KMT2A: variants seen among roughly 807,000 people sequenced by gnomAD.
KMT2A encodes the protein histone-lysine N-methyltransferase 2A.
KMT2A carries 16 observed loss-of-function variants against 345.3 expected under a neutral mutation model. The ratio of observed to expected loss-of-function variants is 0.05; its 90% CI spans 0.03 to 0.07. The LOEUF is 0.07. Ranked by LOEUF, KMT2A falls within the 10% of genes least tolerant of loss-of-function variation. The pLI, the probability that KMT2A is intolerant of heterozygous loss-of-function variation, is 1.00. For missense variants in KMT2A, 3,272 were observed against 4,841.6 expected, an observed-to-expected ratio of 0.68 and a Z score of 9.62; for synonymous variants, 1,599 against 1,778.6, an observed-to-expected ratio of 0.90 and a Z score of 2.54.
At position 118,468,821 on chromosome 11, in the gene KMT2A, G is replaced by A. The variant is rs782279632; in HGVS notation, c.479G>A (p.Arg160Gln). ...GFGSDEEVRV[R>Q]SPTRSPSVKT... is the part of the protein sequence containing the mutation. Reference sequence around the variant, plus strand: ...GGCTCAGATGAAGAAGTCAGAGTGCGAAGTCCCACAAGGTCTCCTTCAGGT... The same window carrying A: ...GGCTCAGATGAAGAAGTCAGAGTGCAAAGTCCCACAAGGTCTCCTTCAGGT... Residue 160 changes from arginine to glutamine, a missense_variant, in exon 2 of 36, where the codon CGA becomes CAA. This residue lies in a region of KMT2A where 412 missense variants were observed against 511.0 expected (regional missense o/e 0.81). Transcript: ENST00000534358. 2.2e-5 allele frequency: 36 copies of A among 1,613,068 alleles called. No homozygotes were observed. Among genetic ancestry groups the A allele is most frequent in the South Asian group, 7.7e-5 (7 of 91,070 alleles).
Position 118,490,236 on chromosome 11 carries a change from G to A in KMT2A, c.4683G>A (p.Lys1561=). The part of the protein sequence containing the change: ...HDFSLCHDCA[K]LFAKGNFCPL... ...TCTCACTGTGTCATGATTGCGCCAA[G>A]CTCTTTGCTAAAGGTACCCAAAAAA... Residue 1561 remains lysine (K), a synonymous_variant, in exon 13 of 36, where the codon AAG becomes AAA. Coordinates refer to ENST00000534358, the MANE Select transcript of KMT2A (RefSeq NM_001197104.2). This position sits in a 1 kb window ranked among gnomAD's most constrained non-coding sequence, Gnocchi z 4.2. The A allele has an allele frequency of 6.4e-7, 1 of 1,563,940 alleles. No individual in the cohort carries two copies. The highest frequency in any genetic ancestry group is 8.6e-7 in the Non-Finnish European group (1 of 1,164,370).
chr11:118,488,582 C>T, intron 10 of KMT2A, 32 bp from the exon 11 acceptor site: 1 of 1,609,700 alleles, frequency 6.2e-7, no homozygotes, highest in Non-Finnish European at 8.5e-7. Context: ...TATTATTTGA[C>T]ATACTTCTAT....
rs782772955 is a variant in KMT2A at position 118,499,801 on chromosome 11, ATCTTC to A, written c.6080-30_6080-26del. 8 of 1,476,846 alleles carry A rather than the reference ATCTTC, an allele frequency of 5.4e-6. No individual in the cohort carries two copies. The Admixed American group carries it at 8.5e-5, about 16-fold the overall frequency. 91.5% of individuals were successfully genotyped at this position (1,476,846 alleles called of 1,614,324 possible). ...TCAAAAAAATAAAATGACGCTCATA[ATCTTC>A]TCTAATCGGTTCTTCTTTCCTTGGT... On this transcript the variant is annotated intron_variant, in intron 23 of 35. Coordinates refer to ENST00000534358, the MANE Select transcript of KMT2A (RefSeq NM_001197104.2).
chr11:118,485,975 C>T (rs1255143546), intron 10 of KMT2A, among the ~76,000 whole-genome samples: 20 of 152,134 alleles, frequency 1.3e-4, no homozygotes, highest in East Asian at 1.2e-3. Flanking sequence ...CCCAGCTACT[C>T]GAGAGGCTGA....
intron 1 of KMT2A, among the ~76,000 whole-genome samples, chr11:118,465,503 A>C (rs1049936124): frequency 6.6e-6 from 1 of 152,184 alleles, no homozygotes; most frequent in Non-Finnish European, 1.5e-5. Flanking sequence ...TAGCTTTCCA[A>C]GTGATTTCAC....
At chr11:118,468,089 AG>A (rs1949879532) in intron 1 of KMT2A, among the ~76,000 whole-genome samples, 1 of 152,160 alleles carries the variant, frequency 6.6e-6, no homozygotes, top group African/African-American at 2.4e-5. Context: ...AACTGAAAAT[AG>A]GATGCTTCCC....
chr11:118,491,754 T>C lies in KMT2A; in HGVS notation c.4830T>C (p.Tyr1610=). ...ENLSGTEDEM[Y]EILSNLPESV... is the part of the protein sequence containing the mutation. ...TTTTTGTTTTCTTAGATGAGATGTATGAGATTCTATCTAATCTGCCAGAAA... is the reference window on the plus strand; with the variant it reads ...TTTTTGTTTTCTTAGATGAGATGTACGAGATTCTATCTAATCTGCCAGAAA... Residue 1610 remains tyrosine, a synonymous_variant, in exon 15 of 36, where the codon TAT becomes TAC. Transcript: ENST00000534358. The surrounding 1 kb of genome is among the most constrained non-coding windows in gnomAD (Gnocchi z 4.2). 1.2e-6 allele frequency: 2 copies of C among 1,604,058 alleles called. No homozygotes were observed. Among genetic ancestry groups the C allele is most frequent in the South Asian group, 2.2e-5 (2 of 89,706 alleles).
In KMT2A at chr11:118,473,686, T is replaced by C; in HGVS notation, c.2527T>C (p.Ser843Pro). Reference sequence around the variant, plus strand: ...TCTCTTCCCTTGGTTTACCCCAGGCTCTCAGACTGAAAGAGGGAGAAATAA... The same window carrying C: ...TCTCTTCCCTTGGTTTACCCCAGGCCCTCAGACTGAAAGAGGGAGAAATAA... Reference protein sequence around the residue: ...TPLFPWFTPGSQTERGRNKDK... With the variant: ...TPLFPWFTPGPQTERGRNKDK... The change falls in exon 3 of 36, where the codon TCT (serine) becomes CCT (proline). Residue 843 changes from serine to proline, a missense_variant. Around this residue, in one of 27 missense-constraint regions of KMT2A, gnomAD observed 209 missense variants for 237.4 expected, o/e 0.88. Coordinates refer to ENST00000534358, the MANE Select transcript of KMT2A (RefSeq NM_001197104.2). The surrounding 1 kb of genome is among the most constrained non-coding windows in gnomAD (Gnocchi z 5.2). 4 of 1,614,012 alleles carry C rather than the reference T, an allele frequency of 2.5e-6. No individual in the cohort carries two copies. Among genetic ancestry groups the C allele is most frequent in the Non-Finnish European group, 3.4e-6 (4 of 1,180,006 alleles).
chr11:118,518,284 A>C (rs1950867842), intron 31 of KMT2A, among the ~76,000 whole-genome samples: 1 of 152,208 alleles, frequency 6.6e-6, no homozygotes, highest in Non-Finnish European at 1.5e-5. Flanking sequence ...AAGCCAAATA[A>C]TTTTAAAATG....
Position 118,490,028 on chromosome 11 carries a change from G to T in KMT2A, c.4576-101G>T. On this transcript the variant is annotated intron_variant, in intron 12 of 35. Transcript: ENST00000534358. The surrounding 1 kb of genome is among the most constrained non-coding windows in gnomAD (Gnocchi z 4.2). Reference sequence around the variant, plus strand: ...TCATTACTAGGAAATCATCTCAGCAGAGAAATTAAATCTATAAATGGATGC... The same window carrying T: ...TCATTACTAGGAAATCATCTCAGCATAGAAATTAAATCTATAAATGGATGC... 6.9e-7 allele frequency: 1 copy of T among 1,444,122 alleles called. No homozygotes were observed. 89.5% of individuals were successfully genotyped at this position (1,444,122 alleles called of 1,614,324 possible). A position where few individuals can be genotyped will look rare whatever the true frequency, so the allele number is the denominator to read the frequency against.
rs1208463783 is a variant in KMT2A at position 118,490,603 on chromosome 11, AATAC to A, written c.4696+357_4696+360del. On this transcript the variant is annotated intron_variant, in intron 13 of 35. Transcript: ENST00000534358. The surrounding 1 kb of genome is among the most constrained non-coding windows in gnomAD (Gnocchi z 4.2). ...ATTAGAAAAAAATATTAATATAACT[AATAC>A]ATTAAACCTGTTATATTACTGACTT... Among the ~76,000 whole-genome samples, 1 of 152,132 alleles carries A rather than the reference AATAC, an allele frequency of 6.6e-6. No individual in the cohort carries two copies. The highest frequency in any genetic ancestry group is 2.4e-5 in the African/African-American group (1 of 41,460).
chr11:118,506,206 G>A lies in KMT2A; in HGVS notation c.10314G>A (p.Thr3438=), dbSNP rs781998887. The part of the protein sequence containing the change: ...SICVLPSTQT[T]GITAASPSGE... ...GTGTGCTCCCCTCCACTCAGACTACGGGCATAACAGCCGCTTCACCTTCTG... is the reference window on the plus strand; with the variant it reads ...GTGTGCTCCCCTCCACTCAGACTACAGGCATAACAGCCGCTTCACCTTCTG... The change falls in exon 27 of 36, where the codon ACG becomes ACA. Residue 3438 remains threonine (T), a synonymous_variant. Coordinates refer to ENST00000534358, the MANE Select transcript of KMT2A (RefSeq NM_001197104.2). 1.9e-5 allele frequency: 30 copies of A among 1,613,924 alleles called. No individual in the cohort carries two copies. Among genetic ancestry groups the A allele is most frequent in the East Asian group, 2.2e-5 (1 of 44,890 alleles).
Position 118,522,261 on chromosome 11 carries a change from C to T in KMT2A, c.*89C>T. The T allele has an allele frequency of 2.8e-6, 4 of 1,443,218 alleles. No individual in the cohort carries two copies. The highest frequency in any genetic ancestry group is 2.3e-5 in the East Asian group (1 of 43,682). 89.4% of individuals were successfully genotyped at this position (1,443,218 alleles called of 1,614,324 possible). A position where few individuals can be genotyped will look rare whatever the true frequency, so the allele number is the denominator to read the frequency against. On this transcript the variant is annotated 3_prime_UTR_variant, in exon 36 of 36. Transcript: ENST00000534358. This position sits in a 1 kb window ranked among gnomAD's most constrained non-coding sequence, Gnocchi z 5.4. ...GCCTTTTCCAGCAGCTGGGAGCTCC[C>T]GGATTGCGTGGCACAGCTGAGGGGC...
rs1555043148 is a variant in KMT2A at position 118,493,399 on chromosome 11, TTCAGA to T, written c.5178+170_5178+174del. Reference sequence around the variant, plus strand: ...TGTATGAGTTATTTTAGCTTTGTGTTTCAGAAGAAGGGTTGTGATAGGGAAGATAA... The same window carrying T: ...TGTATGAGTTATTTTAGCTTTGTGTTAGAAGGGTTGTGATAGGGAAGATAA... On this transcript the variant is annotated intron_variant, in intron 16 of 35. Coordinates refer to ENST00000534358, the MANE Select transcript of KMT2A (RefSeq NM_001197104.2). The surrounding 1 kb of genome is among the most constrained non-coding windows in gnomAD (Gnocchi z 5.8). 6.6e-6 allele frequency among the ~76,000 whole-genome samples: 1 copy of T among 152,234 alleles called. No homozygotes were observed. The highest frequency in any genetic ancestry group is 1.9e-4 in the East Asian group (1 of 5,206).
intron 1 of KMT2A, among the ~76,000 whole-genome samples, chr11:118,451,818 TA>T (rs1384731711): frequency 6.6e-6 from 1 of 152,160 alleles, no homozygotes; most frequent in Non-Finnish European, 1.5e-5. Context: ...GAGCTCAGCT[TA>T]AAATGTAGCA....
chr11:118,470,133 C>G (rs1949918442), intron 2 of KMT2A, among the ~76,000 whole-genome samples: 1 of 152,170 alleles, frequency 6.6e-6, no homozygotes, highest in South Asian at 2.1e-4. Flanking sequence ...AGTGCTGGGA[C>G]TCTTCTCTGT....
intron 1 of KMT2A, among the ~76,000 whole-genome samples, chr11:118,467,770 G>A (rs1949872773): frequency 6.6e-6 from 1 of 152,162 alleles, no homozygotes; most frequent in Admixed American, 6.5e-5. Flanking sequence ...TAATGCTTTT[G>A]TCATTGGAAC....
At chr11:118,440,674 T>C (rs1420286546) in intron 1 of KMT2A, among the ~76,000 whole-genome samples, 1 of 152,174 alleles carries the variant, frequency 6.6e-6, no homozygotes, top group Non-Finnish European at 1.5e-5. Context: ...TTGGTGTGTA[T>C]TTATTTTCAC....
intron 11 of KMT2A, 69 bp from the exon 12 acceptor site, chr11:118,489,723 G>T: frequency 7.9e-7 from 1 of 1,263,010 alleles, no homozygotes; most frequent in Non-Finnish European, 1.2e-6. Flanking sequence ...GTGAAATGGG[G>T]TACTAAGTAA....
Sources: gnomAD v4.1 joint callset for allele counts (sites outside exome capture counted in the v4.1 genomes callset) on GRCh38, gnomAD v4.1.1 for gene constraint, gnomAD v4.1.1 regional missense constraint, Gnocchi (gnomAD v3.1) non-coding constraint, MANE v1.5 for transcripts, NCBI Gene and HGNC (gene_info 2026-07-23, HGNC 2026-07-21) for gene names.